Variants in SLX9 observed in about 807,000 individuals in gnomAD.
SLX9 encodes SLX9 ribosome biogenesis factor, also known as ribosome biogenesis protein SLX9 homolog.
SLX9 carries 19 observed loss-of-function variants against 20.8 expected under a neutral mutation model. The observed-to-expected ratio is 0.91, with a 90% CI of 0.64 to 1.34. SLX9 has a LOEUF of 1.34. Among genes scored for constraint, SLX9 ranks in the 40% most tolerant of loss-of-function variants. SLX9 has a pLI of 0.00. For missense variants in SLX9, 299 were observed against 322.2 expected (o/e 0.93, Z 0.55); for synonymous variants, 113 against 137.1 (o/e 0.82, Z 1.23).
upstream of SLX9, chr21:44,940,022 A>G (rs762808594): frequency 3.2e-5 from 44 of 1,392,370 alleles, no homozygotes; most frequent in Non-Finnish European, 3.1e-5. Flanking sequence ...AGCTTCCGGG[A>G]GGCGCTCCGC....
intron 1 of SLX9, among the ~76,000 whole-genome samples, chr21:44,943,065 C>A (rs754524476): frequency 7.2e-5 from 11 of 152,238 alleles, no homozygotes; most frequent in Non-Finnish European, 1.5e-4. Flanking sequence ...GAGGTCGATG[C>A]TGCCTTCCCT....
chr21:44,974,967 C>T lies in SLX9; in HGVS notation c.569+1702C>T, dbSNP rs1035183810. Among the ~76,000 whole-genome samples, 17 of 152,344 alleles carry T rather than the reference C, an allele frequency of 1.1e-4. No individual in the cohort carries two copies. The East Asian group carries it at 2.9e-3, about 26-fold the overall frequency. ...ACCCCTCGGTGCCCCCATGTCCTTG[C>T]GGTCGCGGCATTTTGAAGCAGCTCA... On this transcript the variant is annotated intron_variant, in intron 5 of 5. Coordinates refer to ENST00000291634, the MANE Select transcript of SLX9 (RefSeq NM_058190.4).
At chr21:44,960,531 G>A (rs575041671) in intron 3 of SLX9, among the ~76,000 whole-genome samples, 2 of 152,232 alleles carry the variant, frequency 1.3e-5, no homozygotes, top group African/African-American at 2.4e-5. Flanking sequence ...GTTCCCCACC[G>A]TGAAATTTTT....
At chr21:44,953,646 G>A (rs987913258) in intron 2 of SLX9, among the ~76,000 whole-genome samples, 4 of 152,242 alleles carry the variant, frequency 2.6e-5, no homozygotes, top group Non-Finnish European at 5.9e-5. Context: ...GGTGGGATGG[G>A]GTAGTTTGGG....
intron 2 of SLX9, among the ~76,000 whole-genome samples, chr21:44,944,130 T>C (rs780214706): frequency 6.6e-6 from 1 of 152,262 alleles, no homozygotes; most frequent in Non-Finnish European, 1.5e-5. Context: ...TGAACTGTTT[T>C]CTCCGTGTGT....
Position 44,940,152 on chromosome 21 carries a change from A to T in SLX9, c.95A>T (p.Glu32Val), listed in dbSNP as rs926855539. The T allele has an allele frequency of 7.7e-7, 1 of 1,301,064 alleles. No individual in the cohort carries two copies. Among genetic ancestry groups the T allele is most frequent in the Admixed American group, 4.1e-5 (1 of 24,634 alleles). The allele number at this position is 1,301,064 out of a possible 1,614,324, so 80.6% of individuals were successfully genotyped here. The change falls in exon 1 of 6, where the codon GAG becomes GTG. Residue 32 changes from glutamate to valine, a missense_variant. Transcript: ENST00000291634. ...AAPGPAPPAP[E>V]ATPPPASAAG... The stretch of plus-strand genomic sequence containing the variant: ...CCCGGCCCCGCGCCCCCTGCCCCGG[A>T]GGCGACCCCTCCGCCGGCCTCGGCC...
upstream of SLX9, chr21:44,939,820 T>G: frequency 5.5e-6 from 3 of 541,150 alleles, no homozygotes; most frequent in African/African-American, 1.9e-5. Context: ...CAGAAACTCG[T>G]TGTTTCTCGT....
intron 2 of SLX9, among the ~76,000 whole-genome samples, chr21:44,956,234 C>G (rs2084855629): frequency 6.6e-6 from 1 of 152,140 alleles, no homozygotes; most frequent in African/African-American, 2.4e-5. Flanking sequence ...ATTTTTTTCT[C>G]TGCGGAGGTT....
chr21:44,966,636 A>G (rs1456916766), intron 3 of SLX9, among the ~76,000 whole-genome samples: 2 of 151,992 alleles, frequency 1.3e-5, no homozygotes, highest in East Asian at 3.9e-4. Context: ...CCTCCTGGGA[A>G]CAAAGCTGAG....
At position 44,976,721 on chromosome 21, in the gene SLX9, C is replaced by T. The variant is rs148502379; in HGVS notation, c.611C>T (p.Pro204Leu). 1.4e-5 allele frequency: 22 copies of T among 1,573,728 alleles called. No homozygotes were observed. Among genetic ancestry groups the T allele is most frequent in the Non-Finnish European group, 1.8e-5 (21 of 1,160,428 alleles). ...RTRFQELLAS[P>L]AYRASPLVAI... is the part of the protein sequence containing the mutation. ...CGGTTTCAGGAGCTGCTGGCCAGTC[C>T]GGCCTACAGAGCCAGCCCCCTGGTG... The change falls in exon 6 of 6, where the codon CCG (proline) becomes CTG (leucine). Residue 204 changes from proline to leucine, a missense_variant. Physicochemically the swap from Pro to Leu is moderately conservative, Grantham distance 98. Transcript: ENST00000291634.
In SLX9 at chr21:44,956,827, C is replaced by T. The variant is rs147124961; in HGVS notation, c.284-3273C>T. Reference sequence around the variant, plus strand: ...GGCTGGGGACCAGGTGAGTTGCCTGCGGCACAGGCGTGCTGTGTAGCTGCC... The same window carrying T: ...GGCTGGGGACCAGGTGAGTTGCCTGTGGCACAGGCGTGCTGTGTAGCTGCC... On this transcript the variant is annotated intron_variant, in intron 2 of 5. Transcript: ENST00000291634. 3.6e-4 allele frequency among the ~76,000 whole-genome samples: 55 copies of T among 152,354 alleles called. 1 individual carries two copies. The East Asian group carries it at 9.7e-3, about 27-fold the overall frequency.
Position 44,960,036 on chromosome 21 carries a change from A to G in SLX9, c.284-64A>G, listed in dbSNP as rs1481075193. The G allele has an allele frequency of 2.1e-6, 3 of 1,457,806 alleles. No homozygotes were observed. The African/African-American group carries it at 4.2e-5, about 20-fold the overall frequency. 90.3% of individuals were successfully genotyped at this position (1,457,806 alleles called of 1,614,324 possible). A position where few individuals can be genotyped will look rare whatever the true frequency, so the allele number is the denominator to read the frequency against. On this transcript the variant is annotated intron_variant, in intron 2 of 5. Transcript: ENST00000291634. ...CTGCAGTCAGGACCCGCCCCAGCCC[A>G]TTCTCAGGTCATGGGAGTGCCACCT...
chr21:44,940,035 G>C lies in SLX9; in HGVS notation c.-23G>C, dbSNP rs757321722. On this transcript the variant is annotated 5_prime_UTR_variant, in exon 1 of 6. Coordinates refer to ENST00000291634, the MANE Select transcript of SLX9 (RefSeq NM_058190.4). ...CCAGCTTCCGGGAGGCGCTCCGCAC[G>C]TTTGCCGTGCTCCGCCGGGAAGATG... 28 of 1,422,594 alleles carry C rather than the reference G, an allele frequency of 2.0e-5. No homozygotes were observed. Among genetic ancestry groups the C allele is most frequent in the Non-Finnish European group, 2.4e-5 (26 of 1,089,306 alleles). 88.1% of individuals were successfully genotyped at this position (1,422,594 alleles called of 1,614,324 possible). A position where few individuals can be genotyped will look rare whatever the true frequency, so the allele number is the denominator to read the frequency against.
At chr21:44,976,643 G>T in intron 5 of SLX9, 37 bp from the exon 6 acceptor site, 2 of 1,564,972 alleles carry the variant, frequency 1.3e-6, no homozygotes, top group Non-Finnish European at 1.7e-6. Context: ...GGGTCCGGGG[G>T]TTCCTGCCTG....
intron 1 of SLX9, 116 bp from the exon 2 acceptor site, chr21:44,943,568 A>T (rs985602022): frequency 5.0e-6 from 7 of 1,399,216 alleles, no homozygotes; most frequent in Non-Finnish European, 6.9e-6. Context: ...CCGGGCAGAG[A>T]AGCTGGGGAA....
chr21:44,948,705 G>C (rs115821796), intron 2 of SLX9, among the ~76,000 whole-genome samples: 2,824 of 152,282 alleles, frequency 0.019, 86 homozygotes, highest in African/African-American at 0.064. Context: ...GCCGGTGGTG[G>C]TACAGGATTT....
At chr21:44,953,028 C>T (rs2084786941) in intron 2 of SLX9, among the ~76,000 whole-genome samples, 1 of 152,084 alleles carries the variant, frequency 6.6e-6, no homozygotes. Flanking sequence ...AGGTGCCATC[C>T]TGAGACTAGG....
intron 3 of SLX9, among the ~76,000 whole-genome samples, chr21:44,964,022 A>C (rs2084990887): frequency 6.6e-6 from 1 of 152,252 alleles, no homozygotes. Flanking sequence ...ATCTTAGCAA[A>C]GCAGATCTTC....
upstream of SLX9, chr21:44,939,988 G>T: frequency 7.4e-7 from 1 of 1,354,770 alleles, no homozygotes; most frequent in Non-Finnish European, 9.5e-7. Flanking sequence ...TCCTGTTTCC[G>T]CCGGGCGGCG....
Sources: gnomAD v4.1 joint callset for allele counts (sites outside exome capture counted in the v4.1 genomes callset) on GRCh38, gnomAD v4.1.1 for gene constraint, MANE v1.5 for transcripts, NCBI Gene and HGNC (gene_info 2026-07-23, HGNC 2026-07-21) for gene names.